GRM5: variants seen among roughly 807,000 people sequenced by gnomAD.
GRM5 encodes the protein glutamate metabotropic receptor 5, also known as metabotropic glutamate receptor 5.
Under a neutral mutation model 83.1 loss-of-function variants are expected in GRM5, and 19 were observed. That is an observed-to-expected ratio of 0.23 (90% CI 0.16 to 0.34). The LOEUF (loss-of-function observed/expected upper bound fraction) is 0.34. Among genes scored for constraint, GRM5 ranks in the 10% least tolerant of loss-of-function variants. GRM5 has a pLI of 1.00. For missense variants in GRM5, 1,160 were observed against 1,588.3 expected, an observed-to-expected ratio of 0.73 and a Z score of 4.58; for synonymous variants, 675 against 633.6, an observed-to-expected ratio of 1.07 and a Z score of -0.98.
At chr11:89,034,004 T>C (rs1342035934) in intron 2 of GRM5, among the ~76,000 whole-genome samples, 1 of 150,586 alleles carries the variant, frequency 6.6e-6, no homozygotes, top group Non-Finnish European at 1.5e-5. Flanking sequence ...TAAAAAGTGT[T>C]TATTTAAGTC....
At chr11:88,526,879 T>C (rs1395863277) in intron 8 of GRM5, among the ~76,000 whole-genome samples, 4 of 152,084 alleles carry the variant, frequency 2.6e-5, no homozygotes, top group Non-Finnish European at 5.9e-5. Context: ...GCACTACAGA[T>C]GTAAAGATAA....
intron 2 of GRM5, among the ~76,000 whole-genome samples, chr11:88,862,425 T>C (rs542553542): frequency 3.3e-5 from 5 of 152,228 alleles, no homozygotes; most frequent in Admixed American, 6.6e-5. Flanking sequence ...CATAAAAACA[T>C]TATTTATGTT....
At chr11:88,560,028 A>G (rs189104329) in intron 8 of GRM5, among the ~76,000 whole-genome samples, 98 of 152,206 alleles carry the variant, frequency 6.4e-4, no homozygotes, top group Middle Eastern at 3.4e-3. Context: ...GGTGTATTTC[A>G]TACCAAAGTA....
At chr11:88,537,518 A>G (rs1267193714) in intron 8 of GRM5, among the ~76,000 whole-genome samples, 1 of 152,182 alleles carries the variant, frequency 6.6e-6, no homozygotes, top group African/African-American at 2.4e-5. Context: ...CAGCCTTCCA[A>G]GTCTAATTGA....
intron 2 of GRM5, among the ~76,000 whole-genome samples, chr11:89,027,115 G>A (rs1177460614): frequency 2.1e-5 from 3 of 139,938 alleles, no homozygotes; most frequent in African/African-American, 8.0e-5. Context: ...TTTTTTTTTT[G>A]AGATGGACTC....
chr11:88,847,280 C>A (rs1162471855), intron 3 of GRM5, among the ~76,000 whole-genome samples: 1 of 152,052 alleles, frequency 6.6e-6, no homozygotes, highest in African/African-American at 2.4e-5. Context: ...CTGTAAGTAT[C>A]ATAAGGGCAA....
chr11:88,770,176 A>G (rs1942703130), intron 3 of GRM5, among the ~76,000 whole-genome samples: 1 of 152,108 alleles, frequency 6.6e-6, no homozygotes, highest in Admixed American at 6.6e-5. Flanking sequence ...AGTAATTGAA[A>G]GCAAATAAGG....
rs11528976 is a variant in GRM5, at chr11:88,890,574, A to T, written c.662-40419T>A. 2.8e-3 allele frequency among the ~76,000 whole-genome samples: 432 copies of T among 152,308 alleles called. 1 individual carries two copies. The highest frequency in any genetic ancestry group is 0.017 in the Middle Eastern group (5 of 294). ...TGACTTTAATTTTTAAGAAATAAAA[A>T]TAATCTTAAGGATTATTGGTAAAAT... On this transcript the variant is annotated intron_variant, in intron 2 of 9. Transcript: ENST00000305447.
chr11:88,783,918 T>G (rs1943020068), intron 3 of GRM5, among the ~76,000 whole-genome samples: 3 of 152,042 alleles, frequency 2.0e-5, no homozygotes, highest in Admixed American at 2.0e-4. Context: ...CCCATAAATC[T>G]GCTAGCAGTG....
intron 9 of GRM5, 36 bp from the exon 10 acceptor site, chr11:88,509,540 A>T (rs751033564): frequency 1.3e-6 from 2 of 1,543,786 alleles, no homozygotes; most frequent in South Asian, 2.3e-5. Context: ...TGACTCAGCG[A>T]GGTGCCCAGG....
intron 8 of GRM5, among the ~76,000 whole-genome samples, chr11:88,544,393 G>A (rs1253340340): frequency 6.6e-6 from 1 of 152,116 alleles, no homozygotes; most frequent in Non-Finnish European, 1.5e-5. Context: ...TTGCTGTCTG[G>A]TTCACATTTT....
chr11:88,937,289 T>C (rs1340957744), intron 2 of GRM5, among the ~76,000 whole-genome samples: 1 of 151,772 alleles, frequency 6.6e-6, no homozygotes, highest in Admixed American at 6.6e-5. Context: ...TAAATGATAT[T>C]AGTAATGATA....
At chr11:88,733,084 A>G (rs1941840412) in intron 3 of GRM5, among the ~76,000 whole-genome samples, 1 of 152,034 alleles carries the variant, frequency 6.6e-6, no homozygotes, top group Admixed American at 6.6e-5. Context: ...ATAACAGCAA[A>G]TGGAAAAATT....
chr11:88,818,143 T>C (rs919112248), intron 3 of GRM5, among the ~76,000 whole-genome samples: 1 of 151,830 alleles, frequency 6.6e-6, no homozygotes, highest in Non-Finnish European at 1.5e-5. Flanking sequence ...AAAGAAAAAA[T>C]AAAAATGAAT....
intron 1 of GRM5, among the ~76,000 whole-genome samples, chr11:89,056,445 G>T (rs1319116344): frequency 6.6e-6 from 1 of 152,094 alleles, no homozygotes; most frequent in Non-Finnish European, 1.5e-5. Flanking sequence ...AAAAGATGAA[G>T]AAAAATACCA....
chr11:88,622,401 C>A (rs1938663080), intron 4 of GRM5, among the ~76,000 whole-genome samples: 1 of 152,178 alleles, frequency 6.6e-6, no homozygotes, highest in South Asian at 2.1e-4. Flanking sequence ...CTGCAGTATA[C>A]CTAAAACGAA....
chr11:88,765,195 T>C (rs2135442902), intron 3 of GRM5, among the ~76,000 whole-genome samples: 1 of 151,356 alleles, frequency 6.6e-6, no homozygotes, highest in South Asian at 2.1e-4. Flanking sequence ...GTAAGGATAT[T>C]GAGTCTGTAA....
At chr11:88,633,805 G>A (rs1250970823) in intron 4 of GRM5, among the ~76,000 whole-genome samples, 2 of 152,106 alleles carry the variant, frequency 1.3e-5, no homozygotes, top group African/African-American at 4.8e-5. Flanking sequence ...ATAAACACGA[G>A]CCACCGTAAC....
At chr11:88,706,778 C>G (rs559591987) in intron 3 of GRM5, among the ~76,000 whole-genome samples, 1 of 152,084 alleles carries the variant, frequency 6.6e-6, no homozygotes, top group South Asian at 2.1e-4. Context: ...GCTTATAATT[C>G]CTCAACATCT....
Sources: allele counts gnomAD v4.1 joint callset (sites outside exome capture counted in the v4.1 genomes callset), GRCh38; gene constraint gnomAD v4.1.1; transcripts MANE v1.5; gene names NCBI Gene and HGNC (gene_info 2026-07-23, HGNC 2026-07-21).